ULK4: variants seen among roughly 807,000 people sequenced by gnomAD.
ULK4 encodes the protein unc-51 like kinase 4.
ULK4 carries 133 observed loss-of-function variants against 160.6 expected under a neutral mutation model. The observed-to-expected ratio is 0.83, with a 90% CI of 0.72 to 0.96. ULK4 has a LOEUF of 0.96. Among genes scored for constraint, ULK4 ranks in the 40% least tolerant of loss-of-function variants. The pLI is 0.00. For missense variants in ULK4, 1,580 were observed against 1,499.5 expected (o/e 1.05, Z -0.89); for synonymous variants, 534 against 539.8 (o/e 0.99, Z 0.15).
chr3:41,317,221 G>A (rs907628710), intron 35 of ULK4, among the ~76,000 whole-genome samples: 1 of 151,416 alleles, frequency 6.6e-6, no homozygotes, highest in Non-Finnish European at 1.5e-5. Context: ...GACTACAGGC[G>A]CCCGCCACGG....
At chr3:41,594,650 C>T (rs1197102741) in intron 31 of ULK4, among the ~76,000 whole-genome samples, 1 of 152,176 alleles carries the variant, frequency 6.6e-6, no homozygotes, top group African/African-American at 2.4e-5. Flanking sequence ...AGAAGTGGTG[C>T]TTTATAGCCC....
At position 41,746,272 on chromosome 3, in the gene ULK4, C is replaced by CAAAGAAAAAAAAAAAAAAA. The variant is rs2038416383; in HGVS notation, c.2321+8088_2321+8089insTTTTTTTTTTTTTTTCTTT. On this transcript the variant is annotated intron_variant, in intron 22 of 36. Coordinates refer to ENST00000301831, the MANE Select transcript of ULK4 (RefSeq NM_017886.4). ...TATATAGAAAATCTCCTGGAACCCA[C>CAAAGAAAAAAAAAAAAAAA]AAAAAAAAAAAAAAAAAAAAAAAAC... is the stretch of plus-strand genomic sequence containing the variant. 4.4e-5 allele frequency among the ~76,000 whole-genome samples: 2 copies of CAAAGAAAAAAAAAAAAAAA among 45,728 alleles called. 1 individual carries two copies. Among genetic ancestry groups the CAAAGAAAAAAAAAAAAAAA allele is most frequent in the African/African-American group, 2.1e-4 (2 of 9,382 alleles). The allele number at this position is 45,728 out of a possible 152,430, so 30.0% of individuals were successfully genotyped here.
chr3:41,908,010 A>C, intron 11 of ULK4, 69 bp from the exon 12 acceptor site: 3 of 1,136,818 alleles, frequency 2.6e-6, no homozygotes, highest in Non-Finnish European at 3.6e-6. Flanking sequence ...TGTTTTCTGG[A>C]AGAAAACAAG....
chr3:41,697,363 G>A (rs1398608499), intron 27 of ULK4, among the ~76,000 whole-genome samples: 23 of 151,882 alleles, frequency 1.5e-4, no homozygotes, highest in Admixed American at 1.5e-3. Flanking sequence ...GACTAACTGT[G>A]TGTGTTTTTG....
chr3:41,513,715 T>C lies in ULK4; in HGVS notation c.3227-50462A>G, dbSNP rs542710742. ...TATTCTAAGTAAAGTAACTCAGGAA[T>C]AGAAAATCAAACATTGTATGTTCTC... On this transcript the variant is annotated intron_variant, in intron 32 of 36. Transcript: ENST00000301831. Among the ~76,000 whole-genome samples the C allele has an allele frequency of 2.0e-5, 3 of 152,346 alleles. No homozygotes were observed. In the South Asian group the frequency reaches 6.2e-4, roughly 32 times the overall value.
At chr3:41,575,967 C>G (rs2088176216) in intron 31 of ULK4, among the ~76,000 whole-genome samples, 1 of 152,194 alleles carries the variant, frequency 6.6e-6, no homozygotes, top group South Asian at 2.1e-4. Context: ...GCAGTGGAGC[C>G]AAAGGGAAGC....
At chr3:41,588,132 G>T (rs1477964380) in intron 31 of ULK4, among the ~76,000 whole-genome samples, 2 of 152,040 alleles carry the variant, frequency 1.3e-5, no homozygotes, top group Non-Finnish European at 2.9e-5. Context: ...CAATAGAACT[G>T]CAAACAAAAG....
In ULK4 at chr3:41,493,179, T is replaced by C. The variant is rs974909053; in HGVS notation, c.3227-29926A>G. Among the ~76,000 whole-genome samples the C allele has an allele frequency of 4.3e-5, 6 of 139,536 alleles. No homozygotes were observed. In the Admixed American group the frequency reaches 4.4e-4, roughly 10 times the overall value. 91.5% of individuals were successfully genotyped at this position (139,536 alleles called of 152,430 possible). ...CCAAAATTGACCACATACTTGGAAG[T>C]AAAGCTCTCCTCAGCAAATGTAAAA... On this transcript the variant is annotated intron_variant, in intron 32 of 36. Transcript: ENST00000301831.
intron 32 of ULK4, among the ~76,000 whole-genome samples, chr3:41,496,002 G>A (rs2125911986): frequency 6.6e-6 from 1 of 152,130 alleles, no homozygotes; most frequent in South Asian, 2.1e-4. Context: ...ATAAAATATT[G>A]TATTTCTGTA....
rs139729893 is a variant in ULK4, at chr3:41,939,727, A to G, written c.139-1530T>C. Among the ~76,000 whole-genome samples, 1,125 of 152,160 alleles carry G rather than the reference A, an allele frequency of 7.4e-3. 14 individuals carry two copies. Among genetic ancestry groups the G allele is most frequent in the African/African-American group, 0.026 (1,079 of 41,524 alleles). On this transcript the variant is annotated intron_variant, in intron 2 of 36. Transcript: ENST00000301831. ...CTGGGCCATGGACCAGTCCAGGTCC[A>G]TGGCCTGTTCGGAACCAGGCCAGAC...
chr3:41,556,802 T>C (rs951450487), intron 32 of ULK4, among the ~76,000 whole-genome samples: 4 of 151,314 alleles, frequency 2.6e-5, no homozygotes, highest in Admixed American at 1.3e-4. Flanking sequence ...TTTTAAGGAG[T>C]AGATAATTCC....
intron 35 of ULK4, among the ~76,000 whole-genome samples, chr3:41,283,653 G>C (rs544663772): frequency 6.6e-6 from 1 of 152,126 alleles, no homozygotes; most frequent in Non-Finnish European, 1.5e-5. Context: ...AGCGGGTAGG[G>C]GGCTGGGGGA....
At chr3:41,485,465 G>A (rs2084492133) in intron 32 of ULK4, among the ~76,000 whole-genome samples, 1 of 152,150 alleles carries the variant, frequency 6.6e-6, no homozygotes, top group Non-Finnish European at 1.5e-5. Context: ...AAATTGTTAT[G>A]GCAGCAAGAA....
intron 12 of ULK4, among the ~76,000 whole-genome samples, chr3:41,902,575 C>CAAAAAAAAAAAAAA (rs35656981): frequency 3.8e-5 from 2 of 53,240 alleles, no homozygotes; most frequent in Admixed American, 2.2e-4. Context: ...GAGACTCCAC[C>CAAAAAAAAAAAAAA]AAAAAAAAAA....
intron 35 of ULK4, among the ~76,000 whole-genome samples, chr3:41,369,568 G>A (rs775433107): frequency 1.3e-4 from 20 of 151,858 alleles, no homozygotes; most frequent in Non-Finnish European, 2.5e-4. Context: ...CAAGGTGGGT[G>A]GATCACCTGA....
At chr3:41,646,093 C>T (rs2034475808) in intron 30 of ULK4, among the ~76,000 whole-genome samples, 1 of 152,192 alleles carries the variant, frequency 6.6e-6, no homozygotes, top group South Asian at 2.1e-4. Context: ...TGTCTCTGCA[C>T]ATGAGATGGG....
chr3:41,354,230 A>C (rs2080983784), intron 35 of ULK4, among the ~76,000 whole-genome samples: 1 of 151,896 alleles, frequency 6.6e-6, no homozygotes, highest in Non-Finnish European at 1.5e-5. Context: ...CCACTCTGTC[A>C]CTCCCTGCCT....
intron 22 of ULK4, among the ~76,000 whole-genome samples, chr3:41,751,503 C>T (rs976812388): frequency 1.3e-5 from 2 of 152,174 alleles, no homozygotes; most frequent in Admixed American, 6.5e-5. Flanking sequence ...TACACTCATC[C>T]TGTTTGTTGT....
intron 29 of ULK4, among the ~76,000 whole-genome samples, chr3:41,675,805 T>C (rs2035693199): frequency 6.6e-6 from 1 of 152,140 alleles, no homozygotes; most frequent in African/African-American, 2.4e-5. Context: ...ACAGAATGGA[T>C]TCTCCCTCAG....
Sources: allele counts gnomAD v4.1 joint callset (sites outside exome capture counted in the v4.1 genomes callset), GRCh38; gene constraint gnomAD v4.1.1; transcripts MANE v1.5; gene names NCBI Gene and HGNC (gene_info 2026-07-23, HGNC 2026-07-21).